GRID2: variants seen among roughly 807,000 people sequenced by gnomAD.
GRID2 encodes the protein glutamate receptor ionotropic, delta-2.
Under a neutral mutation model 114.8 loss-of-function variants are expected in GRID2, and 33 were observed. The observed-to-expected ratio is 0.29, with a 90% CI of 0.22 to 0.38. GRID2 has a LOEUF of 0.38. Among genes scored for constraint, GRID2 ranks in the 10% least tolerant of loss-of-function variants. GRID2 has a pLI of 1.00. For synonymous variants in GRID2, 505 were observed against 449.9 expected (o/e 1.12, Z -1.55); for missense variants, 1,184 against 1,257.7 (o/e 0.94, Z 0.89).
intron 4 of GRID2, among the ~76,000 whole-genome samples, chr4:93,182,333 T>A (rs1022368615): frequency 6.6e-6 from 1 of 152,092 alleles, no homozygotes; most frequent in African/African-American, 2.4e-5. Flanking sequence ...CATACTCCAT[T>A]AACTTAAAAA....
intron 2 of GRID2, among the ~76,000 whole-genome samples, chr4:92,696,849 C>A (rs1300019130): frequency 6.6e-6 from 1 of 152,108 alleles, no homozygotes; most frequent in African/African-American, 2.4e-5. Flanking sequence ...CCTCTTGTTA[C>A]CTTGCAGCAG....
intron 2 of GRID2, among the ~76,000 whole-genome samples, chr4:92,776,438 A>G (rs961327158): frequency 4.6e-5 from 7 of 152,058 alleles, no homozygotes; most frequent in Admixed American, 6.6e-5. Flanking sequence ...CATGACATCC[A>G]CACATACAGC....
chr4:93,726,218 C>A (rs1369931616), intron 14 of GRID2, among the ~76,000 whole-genome samples: 2 of 152,134 alleles, frequency 1.3e-5, no homozygotes, highest in Non-Finnish European at 2.9e-5. Context: ...GCCAGTTTTC[C>A]CAGCACCATT....
chr4:92,503,472 T>G (rs1723792549), intron 1 of GRID2, among the ~76,000 whole-genome samples: 2 of 152,158 alleles, frequency 1.3e-5, no homozygotes, highest in South Asian at 4.1e-4. Flanking sequence ...ATTTCCGTTT[T>G]TTATGAGGTT....
chr4:92,678,997 A>G lies in GRID2; in HGVS notation c.244+88711A>G, dbSNP rs185157615. ...TTTTTTTTTTTTTTTTAATCCTCCC[A>G]GTATCTTATAGTAGAGAACATGTGT... On this transcript the variant is annotated intron_variant, in intron 2 of 15. Coordinates refer to ENST00000282020, the MANE Select transcript of GRID2 (RefSeq NM_001510.4). Among the ~76,000 whole-genome samples the G allele has an allele frequency of 4.7e-5, 7 of 148,370 alleles. No individual in the cohort carries two copies. The East Asian group carries it at 1.2e-3, about 25-fold the overall frequency.
rs1019873911 is a variant in GRID2 at position 92,890,385 on chromosome 4, T to C, written c.245-194610T>C. Among the ~76,000 whole-genome samples, 8 of 152,150 alleles carry C rather than the reference T, an allele frequency of 5.3e-5. No individual in the cohort carries two copies. In the East Asian group the frequency reaches 1.5e-3, roughly 29 times the overall value. ...CTATCCATCTGACAAAAGTCTAGTA[T>C]CCAGAATCTACAAGGAACTTAAACA... is the stretch of plus-strand genomic sequence containing the variant. On this transcript the variant is annotated intron_variant, in intron 2 of 15. Transcript: ENST00000282020.
intron 1 of GRID2, among the ~76,000 whole-genome samples, chr4:92,442,996 G>A (rs1263637277): frequency 2.9e-4 from 44 of 152,088 alleles, no homozygotes; most frequent in Non-Finnish European, 1.3e-4. Context: ...TTGGGACCTA[G>A]CTCGGCCTGG....
At chr4:93,115,780 A>C (rs772293986) in intron 4 of GRID2, among the ~76,000 whole-genome samples, 78 of 152,160 alleles carry the variant, frequency 5.1e-4, no homozygotes, top group Non-Finnish European at 1.9e-4. Context: ...AAACCAACAG[A>C]TCTTATAAGA....
At position 93,513,542 on chromosome 4, in the gene GRID2, C is replaced by A. The variant is rs552417478; in HGVS notation, c.1998-1674C>A. Among the ~76,000 whole-genome samples, 8 of 152,194 alleles carry A rather than the reference C, an allele frequency of 5.3e-5. No homozygotes were observed. The South Asian group carries it at 1.5e-3, about 28-fold the overall frequency. ...CCTCAATTATTCATTTACATTATAGCTTTAGTTTACCTTTTACAAATGGTA... is the reference window on the plus strand; with the variant it reads ...CCTCAATTATTCATTTACATTATAGATTTAGTTTACCTTTTACAAATGGTA... On this transcript the variant is annotated intron_variant, in intron 12 of 15. Coordinates refer to ENST00000282020, the MANE Select transcript of GRID2 (RefSeq NM_001510.4).
intron 2 of GRID2, among the ~76,000 whole-genome samples, chr4:93,046,112 A>G (rs1438377755): frequency 6.6e-6 from 1 of 152,114 alleles, no homozygotes; most frequent in Non-Finnish European, 1.5e-5. Flanking sequence ...GTGTATTTGA[A>G]TCCAGGTAAT....
At chr4:92,366,173 C>A (rs1010166942) in intron 1 of GRID2, among the ~76,000 whole-genome samples, 1 of 151,874 alleles carries the variant, frequency 6.6e-6, no homozygotes, top group African/African-American at 2.4e-5. Context: ...AAGAAACAGG[C>A]TCAGAAATGT....
chr4:93,661,400 G>T (rs1052392256), intron 14 of GRID2, among the ~76,000 whole-genome samples: 7 of 152,046 alleles, frequency 4.6e-5, no homozygotes, highest in African/African-American at 1.7e-4. Flanking sequence ...TGGTGACTTT[G>T]CTTTTTAAAA....
At chr4:92,762,457 A>C (rs549716591) in intron 2 of GRID2, among the ~76,000 whole-genome samples, 358 of 152,246 alleles carry the variant, frequency 2.4e-3, no homozygotes, top group African/African-American at 7.2e-3. Context: ...TTAAAAAAAA[A>C]AAACATTTTA....
chr4:92,439,977 T>G (rs1732954719), intron 1 of GRID2, among the ~76,000 whole-genome samples: 1 of 145,186 alleles, frequency 6.9e-6, no homozygotes, highest in South Asian at 2.3e-4. Flanking sequence ...GGATGACAAG[T>G]TTTTTGGGGG....
chr4:92,598,814 A>G (rs772920920), intron 2 of GRID2, among the ~76,000 whole-genome samples: 10 of 152,164 alleles, frequency 6.6e-5, no homozygotes, highest in Non-Finnish European at 1.3e-4. Context: ...GTGATGATTT[A>G]GTACCATTGC....
intron 13 of GRID2, among the ~76,000 whole-genome samples, chr4:93,592,414 C>T (rs940099211): frequency 2.0e-5 from 3 of 152,140 alleles, no homozygotes; most frequent in Non-Finnish European, 4.4e-5. Flanking sequence ...GCACTGTGGT[C>T]TGAGAGGTAG....
At chr4:93,592,376 A>G (rs1458532013) in intron 13 of GRID2, among the ~76,000 whole-genome samples, 1 of 152,100 alleles carries the variant, frequency 6.6e-6, no homozygotes, top group Non-Finnish European at 1.5e-5. Flanking sequence ...TTTGAGTGAG[A>G]TTCTTAATCC....
At chr4:93,501,190 T>C (rs534717775) in intron 12 of GRID2, among the ~76,000 whole-genome samples, 28 of 152,110 alleles carry the variant, frequency 1.8e-4, no homozygotes, top group African/African-American at 6.3e-4. Context: ...AAAAATTAGA[T>C]AGAAATATGA....
intron 2 of GRID2, among the ~76,000 whole-genome samples, chr4:92,944,739 C>T (rs527388304): frequency 6.6e-6 from 1 of 152,314 alleles, no homozygotes; most frequent in South Asian, 2.1e-4. Flanking sequence ...TTTAAATCTA[C>T]ATAAACTCGT....
Sources: gnomAD v4.1 joint callset for allele counts (sites outside exome capture counted in the v4.1 genomes callset) on GRCh38, gnomAD v4.1.1 for gene constraint, MANE v1.5 for transcripts, NCBI Gene and HGNC (gene_info 2026-07-23, HGNC 2026-07-21) for gene names.